ADAMTSL1: variants seen among roughly 807,000 people sequenced by gnomAD.
The protein encoded by ADAMTSL1 is ADAMTS-like protein 1.
A neutral mutation model predicts 201.8 loss-of-function variants in ADAMTSL1; 126 were observed. The ratio of observed to expected loss-of-function variants is 0.62; its 90% CI spans 0.54 to 0.72. The LOEUF is 0.72. ADAMTSL1 is among the 30% of genes least tolerant of loss of function. ADAMTSL1 has a pLI of 0.00. For synonymous variants in ADAMTSL1, 1,121 were observed against 903.4 expected, an observed-to-expected ratio of 1.24 and a Z score of -4.32; for missense variants, 2,679 against 2,277.8, an observed-to-expected ratio of 1.18 and a Z score of -3.59.
Position 18,721,433 on chromosome 9 carries a change from A to G in ADAMTSL1, c.1877-103A>G, listed in dbSNP as rs1833362655. On this transcript the variant is annotated intron_variant, in intron 14 of 28. Transcript: ENST00000380548. ...ATCTCTGACATACAGCGAGAGTCCT[A>G]CAGAACACAGGGACCTCCCACCAGC... The G allele has an allele frequency of 4.7e-6, 7 of 1,499,452 alleles. No homozygotes were observed. The Admixed American group carries it at 1.2e-4, about 25-fold the overall frequency. The allele number at this position is 1,499,452 out of a possible 1,614,324, so 92.9% of individuals were successfully genotyped here. A position where few individuals can be genotyped will look rare whatever the true frequency, so the allele number is the denominator to read the frequency against.
intron 23 of ADAMTSL1, among the ~76,000 whole-genome samples, chr9:18,851,107 T>C (rs535853235): frequency 8.1e-4 from 124 of 152,260 alleles, no homozygotes; most frequent in Middle Eastern, 3.4e-3. Flanking sequence ...TTGATCACCA[T>C]TGTGAGTGTA....
chr9:18,671,819 C>T (rs188518888), intron 9 of ADAMTSL1, among the ~76,000 whole-genome samples: 29 of 152,090 alleles, frequency 1.9e-4, no homozygotes, highest in African/African-American at 5.8e-4. Flanking sequence ...GGGCAGATCA[C>T]GAGGGCAGGA....
intron 20 of ADAMTSL1, among the ~76,000 whole-genome samples, chr9:18,816,614 C>G (rs1486950203): frequency 6.6e-6 from 1 of 151,788 alleles, no homozygotes; most frequent in Non-Finnish European, 1.5e-5. Context: ...AAAAAGGGCC[C>G]TGTAAAACAT....
intron 2 of ADAMTSL1, among the ~76,000 whole-genome samples, chr9:18,276,752 A>T (rs1832603945): frequency 6.6e-6 from 1 of 152,158 alleles, no homozygotes; most frequent in African/African-American, 2.4e-5. Context: ...AGTTATTTTA[A>T]ACAGCCAGAT....
At chr9:18,646,784 G>A (rs1295558368) in intron 7 of ADAMTSL1, among the ~76,000 whole-genome samples, 4 of 152,008 alleles carry the variant, frequency 2.6e-5, no homozygotes, top group East Asian at 1.9e-4. Flanking sequence ...TGCTGGATTC[G>A]GTTTGCCAGT....
At chr9:18,736,068 A>C (rs972603227) in intron 15 of ADAMTSL1, among the ~76,000 whole-genome samples, 1 of 152,188 alleles carries the variant, frequency 6.6e-6, no homozygotes, top group Non-Finnish European at 1.5e-5. Flanking sequence ...CCACAGAAGG[A>C]AACTGATATA....
At chr9:18,494,582 A>G (rs1822435879) in intron 1 of ADAMTSL1, among the ~76,000 whole-genome samples, 1 of 152,182 alleles carries the variant, frequency 6.6e-6, no homozygotes, top group East Asian at 1.9e-4. Flanking sequence ...ATCATGACCA[A>G]TTACTGAAGT....
In ADAMTSL1 at chr9:18,203,924, C is replaced by A. The variant is rs540234420; in HGVS notation, c.207+39943C>A. On this transcript the variant is annotated intron_variant, in intron 2 of 29. Transcript: ENST00000680146. ...AAGGAAAGAGGACCTCTGTGTTCTCCATGATTGTCACATTAGCAAAAGAAA... is the reference window on the plus strand; with the variant it reads ...AAGGAAAGAGGACCTCTGTGTTCTCAATGATTGTCACATTAGCAAAAGAAA... 1.1e-4 allele frequency among the ~76,000 whole-genome samples: 17 copies of A among 152,140 alleles called. No individual in the cohort carries two copies. In the South Asian group the frequency reaches 2.3e-3, roughly 21 times the overall value.
intron 1 of ADAMTSL1, among the ~76,000 whole-genome samples, chr9:18,077,937 TC>T (rs1326650761): frequency 3.3e-5 from 5 of 152,238 alleles, no homozygotes; most frequent in Non-Finnish European, 1.5e-5. Context: ...AGTCAAGGCA[TC>T]CCCATCTTGG....
Position 18,315,316 on chromosome 9 carries a change from C to T in ADAMTSL1, c.207+151335C>T, listed in dbSNP as rs1350302741. ...GACTCAGGAGCCCAGCTGGCTTCGC[C>T]TAGTGCATCCCGCGCCAGGGTCGCA... On this transcript the variant is annotated intron_variant, in intron 2 of 29. Transcript: ENST00000680146. Among the ~76,000 whole-genome samples the T allele has an allele frequency of 2.6e-5, 4 of 152,278 alleles. No individual in the cohort carries two copies. The East Asian group carries it at 7.8e-4, about 30-fold the overall frequency.
At chr9:18,316,802 G>T (rs1191321888) in intron 2 of ADAMTSL1, among the ~76,000 whole-genome samples, 2 of 152,176 alleles carry the variant, frequency 1.3e-5, no homozygotes, top group Admixed American at 1.3e-4. Flanking sequence ...TTGGGGAAGT[G>T]ATAAGTGTCC....
intron 6 of ADAMTSL1, among the ~76,000 whole-genome samples, chr9:18,637,946 T>C (rs1210365113): frequency 3.3e-5 from 5 of 152,152 alleles, no homozygotes; most frequent in South Asian, 4.1e-4. Flanking sequence ...ACTAAGTTAA[T>C]TGATGTCCTA....
intron 1 of ADAMTSL1, among the ~76,000 whole-genome samples, chr9:17,990,802 G>C (rs1006277774): frequency 1.3e-5 from 2 of 151,896 alleles, no homozygotes; most frequent in Admixed American, 1.3e-4. Context: ...ACTGATGATT[G>C]AATCATTCCT....
intron 1 of ADAMTSL1, among the ~76,000 whole-genome samples, chr9:18,120,728 C>T (rs1825460828): frequency 6.6e-6 from 1 of 152,066 alleles, no homozygotes; most frequent in Non-Finnish European, 1.5e-5. Context: ...TACATTTAAA[C>T]AGATACCCAG....
chr9:18,042,458 T>C (rs1821468105), intron 1 of ADAMTSL1, among the ~76,000 whole-genome samples: 1 of 152,122 alleles, frequency 6.6e-6, no homozygotes, highest in Non-Finnish European at 1.5e-5. Flanking sequence ...AAGATCTAGT[T>C]GTTTTCTAGA....
chr9:18,838,668 A>C (rs4977451), intron 23 of ADAMTSL1, among the ~76,000 whole-genome samples: 66,096 of 151,596 alleles, frequency 0.44, 14,575 homozygotes, highest in Non-Finnish European at 0.45. Context: ...CACTACAAAA[A>C]TTTTTTTAAA....
chr9:18,667,546 C>G (rs994475464), intron 9 of ADAMTSL1, among the ~76,000 whole-genome samples: 1 of 151,978 alleles, frequency 6.6e-6, no homozygotes, highest in Non-Finnish European at 1.5e-5. Flanking sequence ...TTTCATCCTA[C>G]GAAGTGAGGA....
chr9:18,814,474 A>T (rs1823709867), intron 20 of ADAMTSL1, among the ~76,000 whole-genome samples: 1 of 152,222 alleles, frequency 6.6e-6, no homozygotes, highest in African/African-American at 2.4e-5. Context: ...TTATCTGGCA[A>T]GGGATTAATA....
At chr9:18,376,524 G>A (rs1837301328) in intron 2 of ADAMTSL1, among the ~76,000 whole-genome samples, 1 of 152,190 alleles carries the variant, frequency 6.6e-6, no homozygotes, top group African/African-American at 2.4e-5. Context: ...AAGACTTAGG[G>A]CCCGGGGCGG....
Sources: gnomAD v4.1 joint callset for allele counts (sites outside exome capture counted in the v4.1 genomes callset) on GRCh38, gnomAD v4.1.1 for gene constraint, MANE v1.5 for transcripts, NCBI Gene and HGNC (gene_info 2026-07-23, HGNC 2026-07-21) for gene names.